The following LRRTM4 variants were observed in gnomAD, a reference collection of about 807,000 sequenced individuals.
LRRTM4 encodes leucine-rich repeat transmembrane neuronal protein 4.
LRRTM4 carries 25 observed loss-of-function variants against 47.6 expected under a neutral mutation model. The ratio of observed to expected loss-of-function variants is 0.53; its 90% CI spans 0.38 to 0.73. The LOEUF is 0.73. LRRTM4 is among the 30% of genes least tolerant of loss of function. The pLI is 0.00. For synonymous variants in LRRTM4, 311 were observed against 269.5 expected, an observed-to-expected ratio of 1.15 and a Z score of -1.51; for missense variants, 638 against 713.4, an observed-to-expected ratio of 0.89 and a Z score of 1.20.
At chr2:77,424,207 C>A (rs1386611236) in intron 3 of LRRTM4, among the ~76,000 whole-genome samples, 1 of 152,104 alleles carries the variant, frequency 6.6e-6, no homozygotes, top group African/African-American at 2.4e-5. Context: ...ACTTGGAATT[C>A]TCCTGGGCAT....
At chr2:76,770,074 A>G (rs1673628609) in intron 3 of LRRTM4, among the ~76,000 whole-genome samples, 1 of 152,206 alleles carries the variant, frequency 6.6e-6, no homozygotes, top group Non-Finnish European at 1.5e-5. Flanking sequence ...ATGAAGACTC[A>G]CCAGATGTAG....
chr2:77,029,688 T>C (rs1205363072), intron 3 of LRRTM4, among the ~76,000 whole-genome samples: 3 of 151,992 alleles, frequency 2.0e-5, no homozygotes, highest in Admixed American at 6.6e-5. Context: ...GAAACAGAAA[T>C]CTAATATATG....
chr2:76,816,045 C>T (rs971934125), intron 3 of LRRTM4, among the ~76,000 whole-genome samples: 4 of 151,938 alleles, frequency 2.6e-5, no homozygotes, highest in Non-Finnish European at 4.4e-5. Flanking sequence ...ATTTAATCCT[C>T]CCAGATTAGC....
At chr2:77,419,909 T>C (rs946017207) in intron 3 of LRRTM4, among the ~76,000 whole-genome samples, 1 of 152,080 alleles carries the variant, frequency 6.6e-6, no homozygotes, top group African/African-American at 2.4e-5. Context: ...TCGGTAAACA[T>C]AGAAAGCTGC....
rs187920455 is a variant in LRRTM4, at chr2:77,115,240, G to A, written c.1552-366324C>T. On this transcript the variant is annotated intron_variant, in intron 3 of 3. Coordinates refer to ENST00000409884, the MANE Select transcript of LRRTM4 (RefSeq NM_001134745.3). ...AGAAAAATATGGCTCTATTCTGCTC[G>A]ACCCCGCAGGCAGTCAGACCTTATG... is the stretch of plus-strand genomic sequence containing the variant. 3.4e-3 allele frequency among the ~76,000 whole-genome samples: 522 copies of A among 152,218 alleles called. 3 individuals are homozygous for A. The highest frequency in any genetic ancestry group is 0.014 in the Middle Eastern group (4 of 294).
At chr2:77,487,534 G>C (rs1171799470) in intron 3 of LRRTM4, among the ~76,000 whole-genome samples, 1 of 152,200 alleles carries the variant, frequency 6.6e-6, no homozygotes, top group East Asian at 1.9e-4. Flanking sequence ...AGCTCAGCGT[G>C]GGCCTGCAGG....
At chr2:77,406,898 C>T (rs1674213420) in intron 3 of LRRTM4, among the ~76,000 whole-genome samples, 1 of 152,060 alleles carries the variant, frequency 6.6e-6, no homozygotes, top group Non-Finnish European at 1.5e-5. Context: ...TCTTTCCATC[C>T]TAGTGGGAAA....
intron 3 of LRRTM4, among the ~76,000 whole-genome samples, chr2:77,118,867 A>G (rs1022408244): frequency 5.3e-5 from 8 of 151,848 alleles, no homozygotes; most frequent in African/African-American, 1.9e-4. Flanking sequence ...TGAGTAGACC[A>G]TATACATTTT....
chr2:77,188,131 C>A (rs1378402653), intron 3 of LRRTM4, among the ~76,000 whole-genome samples: 1 of 152,162 alleles, frequency 6.6e-6, no homozygotes, highest in Non-Finnish European at 1.5e-5. Flanking sequence ...ACTGTTCTCA[C>A]TTCCTTTCTG....
At chr2:77,348,692 C>T (rs1194168793) in intron 3 of LRRTM4, among the ~76,000 whole-genome samples, 2 of 149,846 alleles carry the variant, frequency 1.3e-5, no homozygotes, top group Non-Finnish European at 3.0e-5. Context: ...TTCAATGAAC[C>T]TATATTTTAA....
intron 3 of LRRTM4, among the ~76,000 whole-genome samples, chr2:77,343,017 CT>C (rs1671431277): frequency 2.0e-5 from 3 of 151,916 alleles, no homozygotes; most frequent in African/African-American, 7.2e-5. Context: ...ATGACTAAAG[CT>C]CTTTTGCAGT....
At chr2:77,242,971 C>G (rs574498757) in intron 3 of LRRTM4, among the ~76,000 whole-genome samples, 1 of 152,076 alleles carries the variant, frequency 6.6e-6, no homozygotes, top group African/African-American at 2.4e-5. Flanking sequence ...GGAAACAACC[C>G]AAGCGTCTAT....
chr2:77,083,875 G>A (rs1302996995), intron 3 of LRRTM4, among the ~76,000 whole-genome samples: 2 of 137,946 alleles, frequency 1.4e-5, no homozygotes, highest in African/African-American at 2.7e-5. Flanking sequence ...TGAGATCTGG[G>A]CTCACTGCAA....
intron 3 of LRRTM4, among the ~76,000 whole-genome samples, chr2:77,287,736 C>T (rs539797236): frequency 7.6e-4 from 115 of 152,230 alleles, no homozygotes; most frequent in African/African-American, 2.5e-3. Flanking sequence ...ACTTTTATTA[C>T]AGTATGTTGT....
chr2:77,047,408 G>T (rs1390492593), intron 3 of LRRTM4, among the ~76,000 whole-genome samples: 1 of 152,016 alleles, frequency 6.6e-6, no homozygotes, highest in Non-Finnish European at 1.5e-5. Context: ...CTAGACTTGT[G>T]AAGGCTAAAA....
intron 3 of LRRTM4, among the ~76,000 whole-genome samples, chr2:77,181,513 T>G (rs2103857354): frequency 6.6e-6 from 1 of 152,230 alleles, no homozygotes; most frequent in Non-Finnish European, 1.5e-5. Context: ...AGTGCCATCC[T>G]GCCAATACAA....
intron 3 of LRRTM4, among the ~76,000 whole-genome samples, chr2:76,761,482 A>G (rs1246635712): frequency 6.6e-6 from 1 of 152,156 alleles, no homozygotes; most frequent in African/African-American, 2.4e-5. Flanking sequence ...CATTATACAC[A>G]TGTTTTCTAA....
At chr2:77,254,922 A>T (rs57573526) in intron 3 of LRRTM4, among the ~76,000 whole-genome samples, 9,664 of 151,294 alleles carry the variant, frequency 0.064, 1,015 homozygotes, top group African/African-American at 0.22. Context: ...AAGGACAGTC[A>T]TAAGCGATGA....
At chr2:77,150,360 C>G (rs984728051) in intron 3 of LRRTM4, among the ~76,000 whole-genome samples, 1 of 151,806 alleles carries the variant, frequency 6.6e-6, no homozygotes, top group Non-Finnish European at 1.5e-5. Context: ...TTCTTTTTAA[C>G]AAGGAGAATT....
Sources: allele counts gnomAD v4.1 joint callset (sites outside exome capture counted in the v4.1 genomes callset), GRCh38; gene constraint gnomAD v4.1.1; transcripts MANE v1.5; gene names NCBI Gene and HGNC (gene_info 2026-07-23, HGNC 2026-07-21).